IRAK2: variants seen among roughly 807,000 people sequenced by gnomAD.
The protein encoded by IRAK2 is interleukin-1 receptor-associated kinase-like 2.
A neutral mutation model predicts 72.0 loss-of-function variants in IRAK2; 57 were observed. The observed-to-expected ratio is 0.79, with a 90% CI of 0.64 to 0.99. The LOEUF (loss-of-function observed/expected upper bound fraction) is 0.99. Ranked by LOEUF, IRAK2 falls within the 50% of genes least tolerant of loss-of-function variation. The probability of loss-of-function intolerance (pLI) is 0.00; values close to 1 mark genes in which losing one functional copy is unlikely to be tolerated. For missense variants in IRAK2, 790 were observed against 794.4 expected (o/e 0.99, Z 0.07); for synonymous variants, 293 against 312.7 (o/e 0.94, Z 0.67).
intron 2 of IRAK2, among the ~76,000 whole-genome samples, chr3:10,195,263 A>G (rs17032519): frequency 0.059 from 9,021 of 152,282 alleles, 883 homozygotes; most frequent in African/African-American, 0.21. Context: ...CATTACCCTG[A>G]ATAGGACACT....
chr3:10,220,858 G>C (rs1273574414), intron 8 of IRAK2, among the ~76,000 whole-genome samples: 1 of 152,126 alleles, frequency 6.6e-6, no homozygotes, highest in African/African-American at 2.4e-5. Flanking sequence ...TCTAGGTTTT[G>C]TTTCTTTTTT....
At chr3:10,210,564 A>T (rs987958428) in intron 4 of IRAK2, among the ~76,000 whole-genome samples, 1 of 152,112 alleles carries the variant, frequency 6.6e-6, no homozygotes, top group Non-Finnish European at 1.5e-5. Context: ...CTGGGGGAGA[A>T]GCCAGCTTTG....
chr3:10,204,919 C>G (rs1697412401), intron 3 of IRAK2, among the ~76,000 whole-genome samples: 1 of 152,088 alleles, frequency 6.6e-6, no homozygotes, highest in African/African-American at 2.4e-5. Flanking sequence ...AGCCCCAAGC[C>G]CCATCTATCA....
chr3:10,218,576 G>GT lies in IRAK2; in HGVS notation c.904-1103dup, dbSNP rs202199400. ...TTCCCCTAATACAGATAAAATCAGCGTAAGGCCCAGGTGCTTGGCTTGCAA... is the reference window on the plus strand; with the variant it reads ...TTCCCCTAATACAGATAAAATCAGCGTTAAGGCCCAGGTGCTTGGCTTGCAA... On this transcript the variant is annotated intron_variant, in intron 7 of 12. Transcript: ENST00000256458. Among the ~76,000 whole-genome samples, 1,342 of 152,154 alleles carry GT rather than the reference G, an allele frequency of 8.8e-3. 17 individuals carry two copies. The highest frequency in any genetic ancestry group is 9.8e-3 in the Non-Finnish European group (669 of 68,014).
chr3:10,171,634 G>A (rs779497144), intron 1 of IRAK2, among the ~76,000 whole-genome samples: 14 of 151,788 alleles, frequency 9.2e-5, no homozygotes, highest in Non-Finnish European at 1.3e-4. Context: ...AGTGGCTCAC[G>A]CCTCTAATTT....
In IRAK2 at chr3:10,226,390, C is replaced by T. The variant is rs374087042; in HGVS notation, c.1229C>T (p.Thr410Met). 44 of 1,613,412 alleles carry T rather than the reference C, an allele frequency of 2.7e-5. 1 individual carries two copies. Among genetic ancestry groups the T allele is most frequent in the East Asian group, 8.9e-5 (4 of 44,882 alleles). ...CTCCAGGTGTTGGCCGAGGTCCTCACGGGCATCCCTGCAATGGATAACAAC... is the reference window on the plus strand; with the variant it reads ...CTCCAGGTGTTGGCCGAGGTCCTCATGGGCATCCCTGCAATGGATAACAAC... ...SCGIVLAEVL[T>M]GIPAMDNNRS... The change falls in exon 10 of 13, where the codon ACG (threonine) becomes ATG (methionine). Residue 410 changes from threonine to methionine, a missense_variant. Physicochemically the swap from Thr to Met is moderately conservative, Grantham distance 81 (BLOSUM62 -1). Coordinates refer to ENST00000256458, the MANE Select transcript of IRAK2 (RefSeq NM_001570.4).
In IRAK2 at chr3:10,242,278, T is replaced by A. The variant is rs748352172; in HGVS notation, c.*50T>A. 6 of 1,111,560 alleles carry A rather than the reference T, an allele frequency of 5.4e-6. No homozygotes were observed. Among genetic ancestry groups the A allele is most frequent in the Non-Finnish European group, 6.7e-6 (5 of 750,952 alleles). The allele number at this position is 1,111,560 out of a possible 1,614,324, so 68.9% of individuals were successfully genotyped here. On this transcript the variant is annotated 3_prime_UTR_variant, in exon 13 of 13. Coordinates refer to ENST00000256458, the MANE Select transcript of IRAK2 (RefSeq NM_001570.4). ...TTGTCCTCAGTTGGAAAGATGAGCA[T>A]CAGATCAAGAAAAAGGTCTGAGGCA...
intron 1 of IRAK2, among the ~76,000 whole-genome samples, chr3:10,177,198 T>G (rs752902982): frequency 6.6e-6 from 1 of 152,106 alleles, no homozygotes. Flanking sequence ...TCTCCTAAAG[T>G]ATTGGAATTA....
intron 2 of IRAK2, among the ~76,000 whole-genome samples, chr3:10,193,679 G>T (rs1432131684): frequency 6.6e-6 from 1 of 152,186 alleles, no homozygotes; most frequent in African/African-American, 2.4e-5. Context: ...CAACCTTCTG[G>T]TGCCTGTGGC....
chr3:10,221,694 ATTTG>A (rs935784549), intron 8 of IRAK2, among the ~76,000 whole-genome samples: 1 of 151,234 alleles, frequency 6.6e-6, no homozygotes, highest in South Asian at 2.1e-4. Context: ...GCCGTGCTGA[ATTTG>A]TTTGTTTTAG....
chr3:10,202,348 G>C (rs975479952), intron 3 of IRAK2, among the ~76,000 whole-genome samples: 3 of 152,204 alleles, frequency 2.0e-5, no homozygotes, highest in Non-Finnish European at 4.4e-5. Flanking sequence ...AGCCAGCCGG[G>C]CGTGGTAGCT....
intron 8 of IRAK2, among the ~76,000 whole-genome samples, chr3:10,221,403 G>A (rs1256328943): frequency 1.3e-5 from 2 of 150,250 alleles, no homozygotes; most frequent in Non-Finnish European, 3.0e-5. Flanking sequence ...ACAGGCGCCT[G>A]CCACCATGCC....
At chr3:10,191,563 C>A (rs534766822) in intron 2 of IRAK2, among the ~76,000 whole-genome samples, 1 of 152,268 alleles carries the variant, frequency 6.6e-6, no homozygotes, top group Admixed American at 6.5e-5. Context: ...CCTTCACTTG[C>A]GGGGATATGC....
chr3:10,242,151 G>A lies in IRAK2; in HGVS notation c.1801G>A (p.Ala601Thr). 1.2e-6 allele frequency: 2 copies of A among 1,613,548 alleles called. No individual in the cohort carries two copies. The highest frequency in any genetic ancestry group is 1.7e-6 in the Non-Finnish European group (2 of 1,179,630). ...TTCGTGGCAAATTGAGATCAATGAG[G>A]CCAAAAGGAAACTGATGGAGAATAT... Reference protein sequence around the residue: ...ETSWQIEINEAKRKLMENILL... With the variant: ...ETSWQIEINETKRKLMENILL... Residue 601 changes from alanine (A) to threonine (T), a missense_variant, in exon 13 of 13, where the codon GCC (alanine) becomes ACC (threonine). By Grantham distance (58) the Ala-to-Thr change is moderately conservative. Transcript: ENST00000256458.
chr3:10,198,958 G>T (rs530391968), intron 2 of IRAK2, among the ~76,000 whole-genome samples: 1 of 152,280 alleles, frequency 6.6e-6, no homozygotes, highest in South Asian at 2.1e-4. Flanking sequence ...GGACTTGAAT[G>T]CAGGGCTATA....
rs779886235 is a variant in IRAK2 at position 10,217,057 on chromosome 3, C to T, written c.903+9C>T. 1 of 1,588,776 alleles carries T rather than the reference C, an allele frequency of 6.3e-7. No homozygotes were observed. The highest frequency in any genetic ancestry group is 8.6e-7 in the Non-Finnish European group (1 of 1,156,972). ...ACAGACTGCAGGGTCAGGTAAGGGA[C>T]TGGGTCATGGTCAGAGAATGGGACC... On this transcript the variant is annotated intron_variant, in intron 7 of 12. Transcript: ENST00000256458.
rs1270878139 is a variant in IRAK2, at chr3:10,177,921, C to T, written c.178C>T (p.Leu60=). 6.2e-7 allele frequency: 1 copy of T among 1,613,940 alleles called. No individual in the cohort carries two copies. Among genetic ancestry groups the T allele is most frequent in the East Asian group, 2.2e-5 (1 of 44,856 alleles). The stretch of plus-strand genomic sequence containing the variant: ...GCAGGGTGTGAGCATCACGCGGGAG[C>T]TGCTGTGGTGGTGGGGCATGCGGCA... ...RVQGVSITRE[L]LWWWGMRQAT... is the part of the protein sequence containing the mutation. Residue 60 remains leucine (L), a synonymous_variant, in exon 2 of 13, where the codon CTG becomes TTG. Transcript: ENST00000256458.
chr3:10,165,892 G>C (rs567046069), intron 1 of IRAK2, among the ~76,000 whole-genome samples: 2 of 152,094 alleles, frequency 1.3e-5, no homozygotes, highest in Non-Finnish European at 2.9e-5. Flanking sequence ...CACCACGCCC[G>C]GCTAACTTTG....
In IRAK2 at chr3:10,242,281, G is replaced by T. The variant is rs914247462; in HGVS notation, c.*53G>T. ...TCCTCAGTTGGAAAGATGAGCATCA[G>T]ATCAAGAAAAAGGTCTGAGGCAGAA... is the stretch of plus-strand genomic sequence containing the variant. On this transcript the variant is annotated 3_prime_UTR_variant, in exon 13 of 13. Coordinates refer to ENST00000256458, the MANE Select transcript of IRAK2 (RefSeq NM_001570.4). 2 of 1,095,764 alleles carry T rather than the reference G, an allele frequency of 1.8e-6. No individual in the cohort carries two copies. Among genetic ancestry groups the T allele is most frequent in the Admixed American group, 2.2e-5 (1 of 46,404 alleles). 67.9% of individuals were successfully genotyped at this position (1,095,764 alleles called of 1,614,324 possible).
Sources: allele counts gnomAD v4.1 joint callset (sites outside exome capture counted in the v4.1 genomes callset), GRCh38; gene constraint gnomAD v4.1.1; transcripts MANE v1.5; gene names NCBI Gene and HGNC (gene_info 2026-07-23, HGNC 2026-07-21).